ARFGEF3: variants seen among roughly 807,000 people sequenced by gnomAD.
ARFGEF3 encodes the protein brefeldin A-inhibited guanine nucleotide-exchange protein 3.
In ARFGEF3, 96 loss-of-function variants were observed where a neutral mutation model predicts 221.7. The ratio of observed to expected loss-of-function variants is 0.43; its 90% CI spans 0.37 to 0.51. The LOEUF is 0.51. Ranked by LOEUF, ARFGEF3 falls within the 20% of genes least tolerant of loss-of-function variation. ARFGEF3 has a pLI of 0.00. For missense variants in ARFGEF3, 2,410 were observed against 2,789.9 expected, an observed-to-expected ratio of 0.86 and a Z score of 3.07; for synonymous variants, 1,145 against 1,126.8, an observed-to-expected ratio of 1.02 and a Z score of -0.32.
chr6:138,291,860 G>C lies in ARFGEF3; in HGVS notation c.3175G>C (p.Glu1059Gln). The change falls in exon 19 of 34, where the codon GAG becomes CAG. Residue 1059 changes from glutamate to glutamine, a missense_variant. This residue lies in a region of ARFGEF3 where 184 missense variants were observed against 141.8 expected (regional missense o/e 1.30). Transcript: ENST00000251691. The surrounding 1 kb of genome is among the most constrained non-coding windows in gnomAD (Gnocchi z 4.5). ...SAGLLGDPEC[E>Q]GSPPEHSPEQ... ...TGGCCTCCTTGGGGACCCCGAGTGT[G>C]AGGGCTCGCCCCCCGAGCACAGCCC... The C allele has an allele frequency of 1.3e-6, 2 of 1,498,858 alleles. No homozygotes were observed. The highest frequency in any genetic ancestry group is 1.8e-6 in the Non-Finnish European group (2 of 1,119,972). 92.8% of individuals were successfully genotyped at this position (1,498,858 alleles called of 1,614,324 possible). A position where few individuals can be genotyped will look rare whatever the true frequency, so the allele number is the denominator to read the frequency against.
intron 12 of ARFGEF3, among the ~76,000 whole-genome samples, chr6:138,266,519 A>T (rs990008757): frequency 3.3e-5 from 5 of 152,108 alleles, no homozygotes; most frequent in African/African-American, 9.7e-5. Context: ...GATTACAGGC[A>T]TGAGCCACTA....
At chr6:138,194,851 G>C (rs535083743) in intron 2 of ARFGEF3, among the ~76,000 whole-genome samples, 1 of 152,154 alleles carries the variant, frequency 6.6e-6, no homozygotes, top group South Asian at 2.1e-4. Flanking sequence ...GATGAAGTTA[G>C]CATGGAGGAA....
At chr6:138,209,605 A>G (rs1777683469) in intron 3 of ARFGEF3, among the ~76,000 whole-genome samples, 1 of 151,678 alleles carries the variant, frequency 6.6e-6, no homozygotes, top group Admixed American at 6.6e-5. Flanking sequence ...ACCCGCCACC[A>G]CGCCTGGCTA....
intron 13 of ARFGEF3, among the ~76,000 whole-genome samples, chr6:138,279,194 T>G (rs1452017704): frequency 2.6e-5 from 4 of 152,008 alleles, no homozygotes; most frequent in Non-Finnish European, 5.9e-5. Context: ...TTTTAATTAT[T>G]TTTTGTAAAG....
chr6:138,258,277 T>TC (rs1470670606), intron 10 of ARFGEF3, among the ~76,000 whole-genome samples: 9 of 152,164 alleles, frequency 5.9e-5, no homozygotes, highest in Admixed American at 2.0e-4. Context: ...TGTGGGTCAC[T>TC]CCCCCTTCAC....
chr6:138,303,610 C>T (rs1250453210), intron 22 of ARFGEF3, among the ~76,000 whole-genome samples: 2 of 152,054 alleles, frequency 1.3e-5, no homozygotes, highest in African/African-American at 4.8e-5. Context: ...GGAGACCATC[C>T]TGGCTAACAT....
chr6:138,265,109 T>C (rs530067359), intron 12 of ARFGEF3, among the ~76,000 whole-genome samples: 5 of 152,092 alleles, frequency 3.3e-5, no homozygotes, highest in Non-Finnish European at 7.4e-5. Context: ...TTCGCTGTGT[T>C]AGCCAGGATG....
At chr6:138,285,292 G>A (rs1779265931) in intron 14 of ARFGEF3, among the ~76,000 whole-genome samples, 1 of 151,750 alleles carries the variant, frequency 6.6e-6, no homozygotes, top group African/African-American at 2.4e-5. Flanking sequence ...TGAAACCCCT[G>A]TACAAAAAAT....
At chr6:138,179,368 C>A (rs1777017915) in intron 2 of ARFGEF3, among the ~76,000 whole-genome samples, 1 of 152,224 alleles carries the variant, frequency 6.6e-6, no homozygotes, top group African/African-American at 2.4e-5. Context: ...ATAACCCAGC[C>A]ATTTTGCTTA....
At chr6:138,264,984 A>G (rs1368584670) in intron 12 of ARFGEF3, among the ~76,000 whole-genome samples, 1 of 151,106 alleles carries the variant, frequency 6.6e-6, no homozygotes, top group East Asian at 1.9e-4. Context: ...GCTCACTGCA[A>G]GCTCCGCCTC....
intron 25 of ARFGEF3, 109 bp downstream of exon 25, chr6:138,311,619 G>C (rs1022197321): frequency 1.4e-6 from 1 of 711,378 alleles, no homozygotes; most frequent in South Asian, 1.7e-5. Context: ...ACACTTTGCC[G>C]TCTGAGGAGA....
intron 6 of ARFGEF3, among the ~76,000 whole-genome samples, chr6:138,242,118 A>G (rs1020493238): frequency 6.6e-6 from 1 of 152,242 alleles, no homozygotes; most frequent in Non-Finnish European, 1.5e-5. Context: ...AGAGAATGGT[A>G]GAAATGCGTG....
intron 4 of ARFGEF3, chr6:138,218,052 T>A: frequency 6.2e-7 from 1 of 1,613,584 alleles, no homozygotes; most frequent in Non-Finnish European, 8.5e-7. Flanking sequence ...ACCTAGGGTC[T>A]GAGTTAACTG....
intron 2 of ARFGEF3, among the ~76,000 whole-genome samples, chr6:138,177,686 C>T (rs989798766): frequency 2.6e-5 from 4 of 151,842 alleles, no homozygotes; most frequent in African/African-American, 9.7e-5. Context: ...TATATTTTGC[C>T]TCACTGTATT....
intron 4 of ARFGEF3, among the ~76,000 whole-genome samples, chr6:138,223,146 T>C (rs6570216): frequency 0.22 from 33,530 of 152,070 alleles, 5,971 homozygotes; most frequent in African/African-American, 0.48. Context: ...GCTGGGCATG[T>C]GGAAGGCAGC....
In ARFGEF3 at chr6:138,218,163, T is replaced by A. The variant is rs377205904; in HGVS notation, c.351+8122T>A. The A allele has an allele frequency of 6.8e-6, 11 of 1,613,978 alleles. No homozygotes were observed. The South Asian group carries it at 1.1e-4, about 16-fold the overall frequency. On this transcript the variant is annotated intron_variant, in intron 4 of 33. Coordinates refer to ENST00000251691, the MANE Select transcript of ARFGEF3 (RefSeq NM_020340.5). The stretch of plus-strand genomic sequence containing the variant: ...TGTCTGCAAGGGTGTGAGAATTGCA[T>A]GGTGTGACTGTTCTATGGAATAATC...
At chr6:138,172,005 T>C (rs1776845286) in intron 2 of ARFGEF3, among the ~76,000 whole-genome samples, 1 of 152,220 alleles carries the variant, frequency 6.6e-6, no homozygotes, top group African/African-American at 2.4e-5. Flanking sequence ...ATTAGATATT[T>C]TCTCTCTTTT....
Position 138,294,036 on chromosome 6 carries a change from G to C in ARFGEF3, c.3412G>C (p.Gly1138Arg), listed in dbSNP as rs1398772986. 1 of 1,613,676 alleles carries C rather than the reference G, an allele frequency of 6.2e-7. No homozygotes were observed. The highest frequency in any genetic ancestry group is 8.5e-7 in the Non-Finnish European group (1 of 1,179,738). The change falls in exon 20 of 34, where the codon GGA (glycine) becomes CGA (arginine). Residue 1138 changes from glycine (G) to arginine (R), a missense_variant. Gly to Arg is a moderately radical substitution (Grantham distance 125, BLOSUM62 -2). Coordinates refer to ENST00000251691, the MANE Select transcript of ARFGEF3 (RefSeq NM_020340.5). ...GGATAAGTTGAACCTCATGGCCTTG[G>C]GAGGTTTTCTTTACCAGCTGAAGAA... The part of the protein sequence containing the change: ...ATDKLNLMAL[G>R]GFLYQLKKAS...
intron 2 of ARFGEF3, among the ~76,000 whole-genome samples, chr6:138,201,947 G>A (rs1777544698): frequency 6.6e-6 from 1 of 152,146 alleles, no homozygotes; most frequent in African/African-American, 2.4e-5. Flanking sequence ...GCCTAATAAA[G>A]CTGGTCTGTT....
Sources: gnomAD v4.1 joint callset for allele counts (sites outside exome capture counted in the v4.1 genomes callset) on GRCh38, gnomAD v4.1.1 for gene constraint, gnomAD v4.1.1 regional missense constraint, Gnocchi (gnomAD v3.1) non-coding constraint, MANE v1.5 for transcripts, NCBI Gene and HGNC (gene_info 2026-07-23, HGNC 2026-07-21) for gene names.